PAN3: variants seen among roughly 807,000 people sequenced by gnomAD.
PAN3 encodes PAN2-PAN3 deadenylation complex subunit PAN3.
In PAN3, 19 loss-of-function variants were observed where a neutral mutation model predicts 96.2. The ratio of observed to expected loss-of-function variants is 0.20; its 90% CI spans 0.14 to 0.29. The LOEUF (loss-of-function observed/expected upper bound fraction) is 0.29, where lower values mean the gene tolerates loss of function less well. Ranked by LOEUF, PAN3 falls within the 10% of genes least tolerant of loss-of-function variation. The pLI is 1.00. For missense variants in PAN3, 882 were observed against 1,108.1 expected (o/e 0.80, Z 2.90); for synonymous variants, 433 against 406.6 (o/e 1.06, Z -0.78).
At chr13:28,240,799 G>A (rs548182745) in intron 6 of PAN3, among the ~76,000 whole-genome samples, 95 of 152,272 alleles carry the variant, frequency 6.2e-4, no homozygotes, top group African/African-American at 2.2e-3. Context: ...AAGAAGTAAA[G>A]GCTAGTATTA....
In PAN3 at chr13:28,277,343, T is replaced by G. The variant is rs1421609819; in HGVS notation, c.2156T>G (p.Ile719Ser). 1 of 1,613,078 alleles carries G rather than the reference T, an allele frequency of 6.2e-7. No individual in the cohort carries two copies. The highest frequency in any genetic ancestry group is 2.2e-5 in the East Asian group (1 of 44,872). Residue 719 changes from isoleucine to serine, a missense_variant, in exon 15 of 19, where the codon ATC (isoleucine) becomes AGC (serine). This residue lies in a region of PAN3 where 364 missense variants were observed against 513.6 expected (regional missense o/e 0.71). Coordinates refer to ENST00000380958, the MANE Select transcript of PAN3 (RefSeq NM_175854.8). ...CAGAAAGCCATGGAACTGGTGACAA[T>G]CAACTATTCCTCTGACCTGAAGAAT... ...NLQKAMELVTINYSSDLKNLI... is the reference protein window; with the variant it reads ...NLQKAMELVTSNYSSDLKNLI...
intron 8 of PAN3, 36 bp downstream of exon 8, chr13:28,260,587 G>A: frequency 6.7e-7 from 1 of 1,494,850 alleles, no homozygotes; most frequent in Non-Finnish European, 9.3e-7. Context: ...AATACTTAAT[G>A]TCTCCTGTGC....
intron 7 of PAN3, among the ~76,000 whole-genome samples, chr13:28,258,883 C>A (rs1214394273): frequency 6.6e-6 from 1 of 152,138 alleles, no homozygotes; most frequent in African/African-American, 2.4e-5. Context: ...ACTTATAATA[C>A]CTAATGCAGT....
chr13:28,176,465 T>C, intron 2 of PAN3, 28 bp from the exon 3 acceptor site: 1 of 1,584,468 alleles, frequency 6.3e-7, no homozygotes, highest in Non-Finnish European at 8.7e-7. Flanking sequence ...TCCTCAGTGA[T>C]GTTATAAATA....
At chr13:28,152,264 T>C (rs958823306) in intron 1 of PAN3, among the ~76,000 whole-genome samples, 4 of 152,168 alleles carry the variant, frequency 2.6e-5, no homozygotes, top group African/African-American at 4.8e-5. Context: ...ATCCTCTCTC[T>C]ATCCCCTGCT....
In PAN3 at chr13:28,170,712, G is replaced by GTCA. The variant is rs570754534; in HGVS notation, c.431-3540_431-3538dup. Among the ~76,000 whole-genome samples the GTCA allele has an allele frequency of 9.8e-4, 149 of 151,942 alleles. 2 individuals are homozygous for GTCA. Among genetic ancestry groups the GTCA allele is most frequent in the Admixed American group, 1.8e-3 (27 of 15,256 alleles). ...AACCTCTCCCCTTATGGATTGCTCT[G>GTCA]TCATCATCATCATCATCATCATTAC... On this transcript the variant is annotated intron_variant, in intron 1 of 18. Coordinates refer to ENST00000380958, the MANE Select transcript of PAN3 (RefSeq NM_175854.8).
chr13:28,285,898 T>C (rs1462726177), intron 17 of PAN3, among the ~76,000 whole-genome samples: 1 of 152,216 alleles, frequency 6.6e-6, no homozygotes, highest in Non-Finnish European at 1.5e-5. Flanking sequence ...GGTTGGTTTT[T>C]GTTTGTCTTA....
chr13:28,151,553 A>C (rs1871371234), intron 1 of PAN3, among the ~76,000 whole-genome samples: 1 of 152,228 alleles, frequency 6.6e-6, no homozygotes, highest in South Asian at 2.1e-4. Flanking sequence ...GCAAGAGAGA[A>C]TTTAGGAGAT....
chr13:28,221,478 A>G (rs180944686), intron 6 of PAN3, among the ~76,000 whole-genome samples: 2 of 152,318 alleles, frequency 1.3e-5, no homozygotes, highest in Non-Finnish European at 2.9e-5. Flanking sequence ...CGTTGATTTA[A>G]ATACTCATAT....
At chr13:28,178,475 A>G (rs975314890) in intron 4 of PAN3, among the ~76,000 whole-genome samples, 17 of 152,228 alleles carry the variant, frequency 1.1e-4, no homozygotes, top group Admixed American at 9.2e-4. Flanking sequence ...TTTTATAAGG[A>G]CTGATGTTGT....
chr13:28,168,298 T>C (rs1228260385), intron 1 of PAN3, among the ~76,000 whole-genome samples: 1 of 152,206 alleles, frequency 6.6e-6, no homozygotes, highest in African/African-American at 2.4e-5. Context: ...TTGAAAATCT[T>C]CCAGTGAGCA....
rs1887400515 is a variant in PAN3 at position 28,280,679 on chromosome 13, A to C, written c.2319+138A>C. 6 of 717,298 alleles carry C rather than the reference A, an allele frequency of 8.4e-6. No homozygotes were observed. The South Asian group carries it at 1.4e-4, about 17-fold the overall frequency. The allele number at this position is 717,298 out of a possible 1,614,324, so 44.4% of individuals were successfully genotyped here. A position where few individuals can be genotyped will look rare whatever the true frequency, so the allele number is the denominator to read the frequency against. On this transcript the variant is annotated intron_variant, in intron 16 of 18. Coordinates refer to ENST00000380958, the MANE Select transcript of PAN3 (RefSeq NM_175854.8). Reference sequence around the variant, plus strand: ...TGGGTTCAAGCGAGTCTCCTGCCTCAGCCTCCCAAGTAGCTGGGATTACAG... The same window carrying C: ...TGGGTTCAAGCGAGTCTCCTGCCTCCGCCTCCCAAGTAGCTGGGATTACAG...
intron 3 of PAN3, among the ~76,000 whole-genome samples, chr13:28,177,217 T>C (rs1875133976): frequency 6.6e-6 from 1 of 152,118 alleles, no homozygotes; most frequent in Non-Finnish European, 1.5e-5. Flanking sequence ...AATTAAGATA[T>C]ATAATTTTAT....
chr13:28,219,871 A>G (rs1043241005), intron 5 of PAN3, among the ~76,000 whole-genome samples: 1 of 152,224 alleles, frequency 6.6e-6, no homozygotes, highest in African/African-American at 2.4e-5. Context: ...TCTTGGTAGA[A>G]GTGGTTTAAA....
intron 5 of PAN3, among the ~76,000 whole-genome samples, chr13:28,217,512 G>A (rs1880929060): frequency 6.6e-6 from 1 of 151,958 alleles, no homozygotes; most frequent in Non-Finnish European, 1.5e-5. Flanking sequence ...AACCTGCGAG[G>A]CGGAAGTTGC....
intron 6 of PAN3, among the ~76,000 whole-genome samples, chr13:28,237,644 G>A (rs953921935): frequency 6.6e-6 from 1 of 152,170 alleles, no homozygotes; most frequent in Non-Finnish European, 1.5e-5. Context: ...ACAAGGCTAT[G>A]TAGTATTTTA....
intron 5 of PAN3, chr13:28,215,353 T>G (rs763630109): frequency 2.7e-5 from 20 of 751,626 alleles, no homozygotes; most frequent in African/African-American, 5.1e-5. Flanking sequence ...GTGGTCACCT[T>G]TGCTCCAGTC....
rs149737365 is a variant in PAN3, at chr13:28,146,835, C to T, written c.430+7748C>T. 6.2e-3 allele frequency among the ~76,000 whole-genome samples: 945 copies of T among 152,018 alleles called. 9 individuals are homozygous for T. Among genetic ancestry groups the T allele is most frequent in the African/African-American group, 0.022 (902 of 41,504 alleles). ...CTAAAAATACAAAAACTTAGCTGGG[C>T]GTGGTGGAGCACACCTGTAGTCCCA... is the stretch of plus-strand genomic sequence containing the variant. On this transcript the variant is annotated intron_variant, in intron 1 of 18. Transcript: ENST00000380958.
intron 1 of PAN3, among the ~76,000 whole-genome samples, chr13:28,170,041 C>T (rs977475290): frequency 5.9e-5 from 9 of 151,976 alleles, no homozygotes; most frequent in African/African-American, 2.2e-4. Flanking sequence ...AGCAAAACTC[C>T]ATCTCAAAAT....
Sources: allele counts gnomAD v4.1 joint callset (sites outside exome capture counted in the v4.1 genomes callset), GRCh38; gene constraint gnomAD v4.1.1; regional missense constraint gnomAD v4.1.1; transcripts MANE v1.5; gene names NCBI Gene and HGNC (gene_info 2026-07-23, HGNC 2026-07-21).